Variants in NUP62 observed in about 807,000 individuals in gnomAD.
NUP62 encodes nucleoporin 62, also known as nuclear pore glycoprotein p62.
For missense variants in NUP62, 647 were observed against 689.4 expected (o/e 0.94, Z 0.69); for synonymous variants, 305 against 303.4 (o/e 1.01, Z -0.05).
In NUP62 at chr19:49,907,537, CTTTTTTTTTTTT is replaced by C. The variant is rs4009637; in HGVS notation, c.*690_*701del. The C allele has an allele frequency of 1.8e-4, 59 of 332,846 alleles. No homozygotes were observed. Among genetic ancestry groups the C allele is most frequent in the African/African-American group, 1.7e-3 (56 of 33,082 alleles). The allele number at this position is 332,846 out of a possible 1,614,324, so 20.6% of individuals were successfully genotyped here. ...CTAGGCTGCTGTCTCCTGGGAGTTT[CTTTTTTTTTTTT>C]TTTTTTTTTGAGACAGAGTCTCTGT... is the stretch of plus-strand genomic sequence containing the variant. On this transcript the variant is annotated 3_prime_UTR_variant, in exon 3 of 3. Coordinates refer to ENST00000352066, the MANE Select transcript of NUP62 (RefSeq NM_016553.5).
chr19:49,923,681 G>A (rs1330715499), intron 2 of NUP62, among the ~76,000 whole-genome samples: 1 of 152,204 alleles, frequency 6.6e-6, no homozygotes, highest in Non-Finnish European at 1.5e-5. Context: ...GGTATTTCAC[G>A]CACATTTACA....
rs1233129164 is a variant in NUP62, at chr19:49,909,360, C to A, written c.448G>T (p.Ala150Ser). 4 of 1,613,866 alleles carry A rather than the reference C, an allele frequency of 2.5e-6. No individual in the cohort carries two copies. Among genetic ancestry groups the A allele is most frequent in the Non-Finnish European group, 3.4e-6 (4 of 1,180,020 alleles). Residue 150 changes from alanine (A) to serine (S), a missense_variant, in exon 3 of 3, where the codon GCT becomes TCT. Physicochemically the swap from Ala to Ser is moderately conservative, Grantham distance 99. Coordinates refer to ENST00000352066, the MANE Select transcript of NUP62 (RefSeq NM_016553.5). ...AAGCCTCCAGATGTGGTAGCTGGAGCCACAGAGGTGGTGGAGGGGCCAAAC... is the reference window on the plus strand; with the variant it reads ...AAGCCTCCAGATGTGGTAGCTGGAGACACAGAGGTGGTGGAGGGGCCAAAC... ...FVFGPSTTSVAPATTSGGFSF... is the reference protein window; with the variant it reads ...FVFGPSTTSVSPATTSGGFSF...
At position 49,908,762 on chromosome 19, in the gene NUP62, C is replaced by T. The variant is rs146828187; in HGVS notation, c.1046G>A (p.Arg349Gln). The change falls in exon 3 of 3, where the codon CGG (arginine) becomes CAG (glutamine). Residue 349 changes from arginine to glutamine, a missense_variant. Transcript: ENST00000352066. ...CTGGGTGGCCTGCTGGAGGAAGTGCCGCTCCTGGTCCTCTAGCTCCAGGCT... is the reference window on the plus strand; with the variant it reads ...CTGGGTGGCCTGCTGGAGGAAGTGCTGCTCCTGGTCCTCTAGCTCCAGGCT... ...KWSLELEDQE[R>Q]HFLQQATQVN... is the part of the protein sequence containing the mutation. 32 of 1,613,592 alleles carry T rather than the reference C, an allele frequency of 2.0e-5. No individual in the cohort carries two copies. Among genetic ancestry groups the T allele is most frequent in the South Asian group, 4.4e-5 (4 of 91,086 alleles).
rs1255996863 is a variant in NUP62 at position 49,921,351 on chromosome 19, C to T, written c.-78+6343G>A. 6.6e-6 allele frequency among the ~76,000 whole-genome samples: 1 copy of T among 152,028 alleles called. No individual in the cohort carries two copies. Among genetic ancestry groups the T allele is most frequent in the African/African-American group, 2.4e-5 (1 of 41,382 alleles). On this transcript the variant is annotated intron_variant, in intron 2 of 2. Transcript: ENST00000352066. This position sits in a 1 kb window ranked among gnomAD's most constrained non-coding sequence, Gnocchi z 5.4. ...CCAAAACATGGTCTTTTTTTGCTCC[C>T]CACTGCCACCACCATCACCGTCCCC...
chr19:49,908,907 C>T lies in NUP62; in HGVS notation c.901G>A (p.Gly301Arg), dbSNP rs769004235. 33 of 1,607,606 alleles carry T rather than the reference C, an allele frequency of 2.1e-5. No homozygotes were observed. Among genetic ancestry groups the T allele is most frequent in the Middle Eastern group, 1.7e-4 (1 of 6,036 alleles). The part of the protein sequence containing the change: ...ALNLKPLAPA[G>R]IPSNTAAAVT... ...GCAGCTGCTGTATTGCTGGGGATCCCGGCTGGCGCCAGTGGTTTTAAATTC... is the reference window on the plus strand; with the variant it reads ...GCAGCTGCTGTATTGCTGGGGATCCTGGCTGGCGCCAGTGGTTTTAAATTC... Residue 301 changes from glycine (G) to arginine (R), a missense_variant, in exon 3 of 3, where the codon GGG becomes AGG. Gly to Arg is a moderately radical substitution (Grantham distance 125, BLOSUM62 -2). Coordinates refer to ENST00000352066, the MANE Select transcript of NUP62 (RefSeq NM_016553.5).
rs2075762244 is a variant in NUP62 at position 49,921,410 on chromosome 19, G to A, written c.-78+6284C>T. Among the ~76,000 whole-genome samples, 1 of 152,064 alleles carries A rather than the reference G, an allele frequency of 6.6e-6. No homozygotes were observed. Among genetic ancestry groups the A allele is most frequent in the African/African-American group, 2.4e-5 (1 of 41,410 alleles). On this transcript the variant is annotated intron_variant, in intron 2 of 2. Coordinates refer to ENST00000352066, the MANE Select transcript of NUP62 (RefSeq NM_016553.5). This position sits in a 1 kb window ranked among gnomAD's most constrained non-coding sequence, Gnocchi z 5.4. ...CCAGTCCCCCTTCCCATTCTCCAGA[G>A]ACTTCCTGGGCCATCTCCATGACCT...
chr19:49,913,230 G>A (rs1291425070), intron 2 of NUP62: 1 of 152,376 alleles, frequency 6.6e-6, no homozygotes, highest in Non-Finnish European at 1.5e-5. Flanking sequence ...GCTTCTGAAG[G>A]GAGATGTTTA....
intron 2 of NUP62, among the ~76,000 whole-genome samples, chr19:49,925,196 G>A (rs1382788939): frequency 6.6e-6 from 1 of 152,158 alleles, no homozygotes; most frequent in Non-Finnish European, 1.5e-5. Flanking sequence ...AGGAGGCAGA[G>A]GTTGCGGTGA....
chr19:49,914,007 T>G (rs978625073), intron 2 of NUP62, among the ~76,000 whole-genome samples: 1 of 152,098 alleles, frequency 6.6e-6, no homozygotes, highest in Non-Finnish European at 1.5e-5. Context: ...AGCATCACAA[T>G]TTGAGCAAAG....
chr19:49,913,204 T>C (rs997039731), intron 2 of NUP62: 4 of 152,298 alleles, frequency 2.6e-5, no homozygotes, highest in African/African-American at 9.7e-5. Flanking sequence ...TGCCTCTGGG[T>C]GCTAAGTGAT....
intron 2 of NUP62, among the ~76,000 whole-genome samples, chr19:49,927,188 C>CG: frequency 1.3e-5 from 2 of 152,090 alleles, no homozygotes; most frequent in Middle Eastern, 6.8e-3. Context: ...AATGCCACTT[C>CG]GTACCACAGG....
chr19:49,908,900 G>A lies in NUP62; in HGVS notation c.908C>T (p.Pro303Leu). Reference sequence around the variant, plus strand: ...GGTCACGGCAGCTGCTGTATTGCTGGGGATCCCGGCTGGCGCCAGTGGTTT... The same window carrying A: ...GGTCACGGCAGCTGCTGTATTGCTGAGGATCCCGGCTGGCGCCAGTGGTTT... ...NLKPLAPAGI[P>L]SNTAAAVTAP... Residue 303 changes from proline to leucine, a missense_variant, in exon 3 of 3, where the codon CCC (proline) becomes CTC (leucine). Physicochemically the swap from Pro to Leu is moderately conservative, Grantham distance 98 (BLOSUM62 -3). Coordinates refer to ENST00000352066, the MANE Select transcript of NUP62 (RefSeq NM_016553.5). The A allele has an allele frequency of 6.2e-7, 1 of 1,608,616 alleles. No homozygotes were observed. The highest frequency in any genetic ancestry group is 8.5e-7 in the Non-Finnish European group (1 of 1,178,344).
In NUP62 at chr19:49,909,823, T is replaced by C. The variant is rs1185894508; in HGVS notation, c.-16A>G. Reference sequence around the variant, plus strand: ...ACCCGCTCATGGCTCCGGACTCTGGTGGCGGCAGCTACTCTGGCTCCCAAA... The same window carrying C: ...ACCCGCTCATGGCTCCGGACTCTGGCGGCGGCAGCTACTCTGGCTCCCAAA... On this transcript the variant is annotated 5_prime_UTR_variant, in exon 3 of 3. Coordinates refer to ENST00000352066, the MANE Select transcript of NUP62 (RefSeq NM_016553.5). The C allele has an allele frequency of 6.8e-6, 11 of 1,613,192 alleles. No individual in the cohort carries two copies. Among genetic ancestry groups the C allele is most frequent in the Non-Finnish European group, 8.5e-6 (10 of 1,179,752 alleles).
In NUP62 at chr19:49,921,922, T is replaced by C. The variant is rs73932010; in HGVS notation, c.-78+5772A>G. ...CGGTGGCTCTCACCTCCCTTCCATC[T>C]TGGCAGGATGAGTGCATTTGCTGCG... is the stretch of plus-strand genomic sequence containing the variant. On this transcript the variant is annotated intron_variant, in intron 2 of 2. Coordinates refer to ENST00000352066, the MANE Select transcript of NUP62 (RefSeq NM_016553.5). The surrounding 1 kb of genome is among the most constrained non-coding windows in gnomAD (Gnocchi z 5.4). 5.6e-4 allele frequency among the ~76,000 whole-genome samples: 86 copies of C among 152,300 alleles called. No individual in the cohort carries two copies. The highest frequency in any genetic ancestry group is 2.0e-3 in the African/African-American group (85 of 41,568).
chr19:49,917,048 G>A (rs2075643421), intron 2 of NUP62, among the ~76,000 whole-genome samples: 1 of 152,252 alleles, frequency 6.6e-6, no homozygotes, highest in East Asian at 1.9e-4. Context: ...AGCTGTCTCC[G>A]TGGGACCTCC....
intron 2 of NUP62, among the ~76,000 whole-genome samples, chr19:49,924,825 G>C (rs2075847079): frequency 6.6e-6 from 1 of 152,244 alleles, no homozygotes; most frequent in Non-Finnish European, 1.5e-5. Flanking sequence ...CTGGGCTGAA[G>C]TGGGTGGGAC....
intron 2 of NUP62, among the ~76,000 whole-genome samples, chr19:49,914,715 T>C (rs2075574133): frequency 8.0e-6 from 1 of 125,236 alleles, no homozygotes; most frequent in Non-Finnish European, 1.6e-5. Flanking sequence ...CTTGTGCCAC[T>C]CCAAGTCCCA....
intron 2 of NUP62, among the ~76,000 whole-genome samples, chr19:49,927,072 G>A (rs1409131374): frequency 6.6e-6 from 1 of 152,132 alleles, no homozygotes; most frequent in East Asian, 1.9e-4. Context: ...TGTTGCCCAG[G>A]CTGGTCTCGA....
chr19:49,919,046 G>A (rs1271136087), intron 2 of NUP62, among the ~76,000 whole-genome samples: 13 of 152,144 alleles, frequency 8.5e-5, no homozygotes, highest in Non-Finnish European at 8.8e-5. Context: ...CCAGCTACTC[G>A]GGAGGCTGAG....
Sources: gnomAD v4.1 joint callset for allele counts (sites outside exome capture counted in the v4.1 genomes callset) on GRCh38, gnomAD v4.1.1 for gene constraint, Gnocchi (gnomAD v3.1) non-coding constraint, MANE v1.5 for transcripts, NCBI Gene and HGNC (gene_info 2026-07-23, HGNC 2026-07-21) for gene names.